NTN1: variants seen among roughly 807,000 people sequenced by gnomAD.
The protein encoded by NTN1 is netrin-1.
Under a neutral mutation model 54.2 loss-of-function variants are expected in NTN1, and 11 were observed. The observed-to-expected ratio is 0.20, with a 90% confidence interval of 0.13 to 0.34. NTN1 has a LOEUF of 0.34. NTN1 is among the 10% of genes least tolerant of loss of function. The probability of loss-of-function intolerance (pLI) is 1.00; values close to 1 mark genes in which losing one functional copy is unlikely to be tolerated. For synonymous variants in NTN1, 371 were observed against 382.0 expected, an observed-to-expected ratio of 0.97 and a Z score of 0.33; for missense variants, 740 against 893.1, an observed-to-expected ratio of 0.83 and a Z score of 2.18.
chr17:9,025,975 C>T (rs1437726200), intron 2 of NTN1, among the ~76,000 whole-genome samples: 2 of 152,158 alleles, frequency 1.3e-5, no homozygotes, highest in African/African-American at 2.4e-5. Context: ...AGTCAAGCTA[C>T]CCAGAGTATT....
intron 5 of NTN1, among the ~76,000 whole-genome samples, chr17:9,208,102 T>C (rs1399832322): frequency 1.3e-5 from 2 of 152,104 alleles, no homozygotes; most frequent in African/African-American, 4.8e-5. Flanking sequence ...CGTAGTGGTG[T>C]GTGCCTGTAA....
the NTN1 span, among the ~76,000 whole-genome samples, chr17:9,008,731 G>A: frequency 1.6e-4 from 24 of 152,302 alleles, no homozygotes; most frequent in East Asian, 3.1e-3. Context: ...AAGAGAGGGC[G>A]GGAGAACAAG....
chr17:9,218,361 C>T lies in NTN1; in HGVS notation c.1412-2807C>T, dbSNP rs79012783. 6.6e-5 allele frequency among the ~76,000 whole-genome samples: 10 copies of T among 152,288 alleles called. No individual in the cohort carries two copies. In the East Asian group the frequency reaches 1.4e-3, roughly 21 times the overall value. On this transcript the variant is annotated intron_variant, in intron 5 of 6. Coordinates refer to ENST00000173229, the MANE Select transcript of NTN1 (RefSeq NM_004822.3). Reference sequence around the variant, plus strand: ...GAAGGGCCAAGACGAGTTCATCAACCGTGAGAACAGTGCCCAGCGCCTCAT... The same window carrying T: ...GAAGGGCCAAGACGAGTTCATCAACTGTGAGAACAGTGCCCAGCGCCTCAT...
At chr17:9,029,574 T>C (rs1222461214) in intron 2 of NTN1, among the ~76,000 whole-genome samples, 1 of 152,256 alleles carries the variant, frequency 6.6e-6, no homozygotes, top group Non-Finnish European at 1.5e-5. Flanking sequence ...CTCAAAGATA[T>C]CTGCTCTCAT....
Position 9,118,489 on chromosome 17 carries a change from A to G in NTN1, c.1019-44324A>G, listed in dbSNP as rs553915954. Among the ~76,000 whole-genome samples the G allele has an allele frequency of 6.6e-4, 100 of 152,330 alleles. 1 individual carries two copies. Among genetic ancestry groups the G allele is most frequent in the African/African-American group, 2.3e-3 (95 of 41,594 alleles). ...ATGGCGCCATTGCACTCCAGCCTGG[A>G]CAACAAGGGCAAAACTCTGTCTAAA... On this transcript the variant is annotated intron_variant, in intron 2 of 6. Transcript: ENST00000173229.
At chr17:9,113,354 T>C (rs1014479988) in intron 2 of NTN1, among the ~76,000 whole-genome samples, 47 of 151,840 alleles carry the variant, frequency 3.1e-4, no homozygotes, top group African/African-American at 1.0e-3. Context: ...GAAATACATA[T>C]AAAAAAAGGG....
intron 2 of NTN1, among the ~76,000 whole-genome samples, chr17:9,042,786 C>CAA (rs774209137): frequency 4.3e-5 from 5 of 116,860 alleles, no homozygotes; most frequent in Non-Finnish European, 3.6e-5. Context: ...GACTCCATCT[C>CAA]AAAAAAAAAA....
At chr17:9,134,369 C>T (rs182170178) in intron 2 of NTN1, among the ~76,000 whole-genome samples, 208 of 152,230 alleles carry the variant, frequency 1.4e-3, no homozygotes, top group East Asian at 0.012. Context: ...CACCCTCTCT[C>T]CCCCCAGAGC....
chr17:9,240,977 A>AT lies in NTN1; in HGVS notation c.*1012dup, dbSNP rs1296958306. The AT allele has an allele frequency of 2.6e-5, 4 of 152,280 alleles. No homozygotes were observed. The East Asian group carries it at 5.8e-4, about 22-fold the overall frequency. 9.4% of individuals were successfully genotyped at this position (152,280 alleles called of 1,614,324 possible). ...TGGCTGGGTTTACGGCAGTGACACT[A>AT]TTTATGTAAATGACATCAGCTCCCG... On this transcript the variant is annotated 3_prime_UTR_variant, in exon 7 of 7. Transcript: ENST00000173229.
At chr17:9,009,859 G>T in the NTN1 span, among the ~76,000 whole-genome samples, 5 of 152,060 alleles carry the variant, frequency 3.3e-5, no homozygotes, top group Non-Finnish European at 7.4e-5. Context: ...CCCCCAACCC[G>T]TTTTGATGAC....
intron 6 of NTN1, among the ~76,000 whole-genome samples, chr17:9,232,569 T>G (rs937312666): frequency 2.6e-5 from 4 of 152,148 alleles, no homozygotes; most frequent in African/African-American, 9.7e-5. Flanking sequence ...CAGCTCTACG[T>G]TGGGTGTCCT....
chr17:9,160,424 G>A (rs1264587402), intron 2 of NTN1, among the ~76,000 whole-genome samples: 2 of 151,938 alleles, frequency 1.3e-5, no homozygotes, highest in Non-Finnish European at 2.9e-5. Context: ...TTTAAACATT[G>A]TGAAGATCAG....
chr17:9,131,208 C>A (rs2092263998), intron 2 of NTN1, among the ~76,000 whole-genome samples: 2 of 152,314 alleles, frequency 1.3e-5, no homozygotes, highest in South Asian at 4.1e-4. Context: ...GCTCCGTGAT[C>A]ACCCTGTAGA....
Position 9,179,952 on chromosome 17 carries a change from C to T in NTN1, c.1353C>T (p.Cys451=). 1 of 1,612,650 alleles carries T rather than the reference C, an allele frequency of 6.2e-7. No homozygotes were observed. Among genetic ancestry groups the T allele is most frequent in the South Asian group, 1.1e-5 (1 of 90,788 alleles). ...YQQSRSPIAP[C]IKIPVAPPTT... The stretch of plus-strand genomic sequence containing the variant: ...AGAGCCGCTCTCCCATCGCCCCCTG[C>T]ATAAGTATGTGTGGGGCACCCTGCT... The change falls in exon 4 of 7, where the codon TGC becomes TGT. Residue 451 remains cysteine (C), a synonymous_variant. Coordinates refer to ENST00000173229, the MANE Select transcript of NTN1 (RefSeq NM_004822.3).
intron 2 of NTN1, among the ~76,000 whole-genome samples, chr17:9,088,734 T>A (rs1381733685): frequency 6.6e-6 from 1 of 152,172 alleles, no homozygotes; most frequent in African/African-American, 2.4e-5. Context: ...GCAGCTTGAC[T>A]GAGCCACAGT....
intron 3 of NTN1, among the ~76,000 whole-genome samples, chr17:9,167,721 C>A (rs2092376996): frequency 6.6e-6 from 1 of 152,236 alleles, no homozygotes; most frequent in African/African-American, 2.4e-5. Flanking sequence ...TTTCTTTCAG[C>A]AGCTCAGCCA....
intron 2 of NTN1, among the ~76,000 whole-genome samples, chr17:9,060,578 C>T (rs555031285): frequency 2.6e-5 from 4 of 152,088 alleles, no homozygotes; most frequent in African/African-American, 4.8e-5. Context: ...TGGTAACTGT[C>T]AAATGAATGG....
At chr17:9,104,842 G>A (rs1400641293) in intron 2 of NTN1, among the ~76,000 whole-genome samples, 1 of 152,214 alleles carries the variant, frequency 6.6e-6, no homozygotes, top group Non-Finnish European at 1.5e-5. Context: ...TAGGGAGTGC[G>A]AGGTTGGCCA....
Position 9,221,185 on chromosome 17 carries a change from A to G in NTN1, c.1429A>G (p.Lys477Glu), listed in dbSNP as rs769415167. 1.9e-6 allele frequency: 3 copies of G among 1,592,640 alleles called. No individual in the cohort carries two copies. The highest frequency in any genetic ancestry group is 2.6e-6 in the Non-Finnish European group (3 of 1,169,962). ...EEPEDCDSYC[K>E]ASKGKLKINM... is the part of the protein sequence containing the mutation. The stretch of plus-strand genomic sequence containing the variant: ...CCCTGCAGACTGCGATTCCTACTGC[A>G]AGGCCTCCAAGGGGAAGCTGAAGAT... Residue 477 changes from lysine to glutamate, a missense_variant, in exon 6 of 7, where the codon AAG becomes GAG. Lys to Glu is a moderately conservative substitution (Grantham distance 56, BLOSUM62 1). Coordinates refer to ENST00000173229, the MANE Select transcript of NTN1 (RefSeq NM_004822.3). The surrounding 1 kb of genome is among the most constrained non-coding windows in gnomAD (Gnocchi z 4.5).
Sources: gnomAD v4.1 joint callset for allele counts (sites outside exome capture counted in the v4.1 genomes callset) on GRCh38, gnomAD v4.1.1 for gene constraint, Gnocchi (gnomAD v3.1) non-coding constraint, MANE v1.5 for transcripts, NCBI Gene and HGNC (gene_info 2026-07-23, HGNC 2026-07-21) for gene names.